Variants in SPTSSB observed in about 807,000 individuals in gnomAD.
The protein encoded by SPTSSB is androgen down regulated in mouse prostate.
SPTSSB carries 6 observed loss-of-function variants against 7.7 expected under a neutral mutation model. The ratio of observed to expected loss-of-function variants is 0.78; its 90% CI spans 0.43 to 1.54. The LOEUF is 1.54. Among genes scored for constraint, SPTSSB ranks in the 40% most tolerant of loss-of-function variants. The pLI is 0.01. For synonymous variants in SPTSSB, 28 were observed against 29.7 expected (o/e 0.94, Z 0.19); for missense variants, 91 against 93.0 (o/e 0.98, Z 0.09).
rs565493849 is a variant in SPTSSB, at chr3:161,365,843, T to C, written c.-126+5592A>G. ...TCCAAGAAAGCTGCGGCACCCATTA[T>C]ATTTCACTAGAAAGAGACCTCCTCA... On this transcript the variant is annotated intron_variant, in intron 1 of 2. Coordinates refer to ENST00000620149, the MANE Select transcript of SPTSSB (RefSeq NM_001040100.2). 3.9e-5 allele frequency among the ~76,000 whole-genome samples: 6 copies of C among 152,360 alleles called. No individual in the cohort carries two copies. The East Asian group carries it at 9.6e-4, about 24-fold the overall frequency.
At chr3:161,365,566 T>G (rs1000645281) in intron 1 of SPTSSB, among the ~76,000 whole-genome samples, 14 of 152,210 alleles carry the variant, frequency 9.2e-5, no homozygotes, top group African/African-American at 3.4e-4. Context: ...TGAAATAAGG[T>G]CCTCTTCTGT....
In SPTSSB at chr3:161,345,849, A is replaced by G. The variant is rs1714196494; in HGVS notation, c.*244T>C. Reference sequence around the variant, plus strand: ...ACTAAATTCATAGATTTGTGTTGACAGAATATGATTTGTGAGGTAAAGTCA... The same window carrying G: ...ACTAAATTCATAGATTTGTGTTGACGGAATATGATTTGTGAGGTAAAGTCA... On this transcript the variant is annotated 3_prime_UTR_variant, in exon 3 of 3. Coordinates refer to ENST00000620149, the MANE Select transcript of SPTSSB (RefSeq NM_001040100.2). The G allele has an allele frequency of 2.8e-6, 1 of 351,312 alleles. No individual in the cohort carries two copies. The highest frequency in any genetic ancestry group is 4.4e-5 in the Admixed American group (1 of 22,704). 21.8% of individuals were successfully genotyped at this position (351,312 alleles called of 1,614,324 possible). A position where few individuals can be genotyped will look rare whatever the true frequency, so the allele number is the denominator to read the frequency against.
rs12637186 is a variant in SPTSSB at position 161,362,921 on chromosome 3, C to T, written c.-125-3027G>A. Among the ~76,000 whole-genome samples the T allele has an allele frequency of 1.4e-3, 208 of 151,862 alleles. 6 individuals are homozygous for T. In the East Asian group the frequency reaches 0.036, roughly 27 times the overall value. ...ATACAATATGATAGTAATAATAATA[C>T]GTACAAATGTATGCTTCTTTGTATT... On this transcript the variant is annotated intron_variant, in intron 1 of 2. Coordinates refer to ENST00000620149, the MANE Select transcript of SPTSSB (RefSeq NM_001040100.2).
intron 1 of SPTSSB, among the ~76,000 whole-genome samples, chr3:161,369,308 TTC>T (rs1431083657): frequency 1.2e-3 from 73 of 59,644 alleles, no homozygotes; most frequent in Middle Eastern, 0.014. Context: ...CTTTCTTTCT[TTC>T]TTTCTCTTTC....
In SPTSSB at chr3:161,358,271, C is replaced by T. The variant is rs190890998; in HGVS notation, c.-33+1531G>A. On this transcript the variant is annotated intron_variant, in intron 2 of 2. Transcript: ENST00000620149. ...TTTTAAAGATAAGGAAACTGAGGCT[C>T]AATGTGTCATGAGGGCCATGTGGGG... is the stretch of plus-strand genomic sequence containing the variant. 6.8e-4 allele frequency among the ~76,000 whole-genome samples: 103 copies of T among 152,122 alleles called. 1 individual carries two copies. The highest frequency in any genetic ancestry group is 6.4e-3 in the Admixed American group (98 of 15,276).
intron 1 of SPTSSB, among the ~76,000 whole-genome samples, chr3:161,364,796 A>AT (rs1288260554): frequency 6.6e-6 from 1 of 152,112 alleles, no homozygotes; most frequent in African/African-American, 2.4e-5. Flanking sequence ...ATGAACTGAT[A>AT]TTTTGGCTAT....
At chr3:161,370,760 T>C (rs2108172499) in intron 1 of SPTSSB, among the ~76,000 whole-genome samples, 1 of 152,304 alleles carries the variant, frequency 6.6e-6, no homozygotes, top group Non-Finnish European at 1.5e-5. Flanking sequence ...GTCACTTTAG[T>C]TGAAACAAAT....
At chr3:161,360,440 T>A (rs1714957754) in intron 1 of SPTSSB, among the ~76,000 whole-genome samples, 2 of 152,220 alleles carry the variant, frequency 1.3e-5, no homozygotes, top group Non-Finnish European at 1.5e-5. Flanking sequence ...GAACATCAGG[T>A]ATGTCATACA....
intron 1 of SPTSSB, among the ~76,000 whole-genome samples, chr3:161,369,780 C>T (rs1277350394): frequency 6.6e-6 from 1 of 151,964 alleles, no homozygotes; most frequent in Non-Finnish European, 1.5e-5. Context: ...GGGGGCCCTG[C>T]GTTAGTGGCT....
intron 2 of SPTSSB, among the ~76,000 whole-genome samples, chr3:161,349,503 G>A (rs1401547883): frequency 2.6e-5 from 4 of 152,124 alleles, no homozygotes; most frequent in Non-Finnish European, 5.9e-5. Flanking sequence ...ACTTTATTCA[G>A]GCACACCATG....
At chr3:161,363,350 A>C (rs1715087439) in intron 1 of SPTSSB, among the ~76,000 whole-genome samples, 1 of 151,746 alleles carries the variant, frequency 6.6e-6, no homozygotes. Flanking sequence ...ACAAATACTG[A>C]CTTTTGTATA....
At chr3:161,370,558 T>C (rs780051086) in intron 1 of SPTSSB, among the ~76,000 whole-genome samples, 4 of 152,232 alleles carry the variant, frequency 2.6e-5, no homozygotes, top group Admixed American at 6.5e-5. Flanking sequence ...TAGCAAAAAT[T>C]ACCATGTCTT....
chr3:161,358,773 C>A (rs1380100127), intron 2 of SPTSSB, among the ~76,000 whole-genome samples: 1 of 152,180 alleles, frequency 6.6e-6, no homozygotes, highest in Non-Finnish European at 1.5e-5. Flanking sequence ...CTCAATGGCA[C>A]CTGTTCTTTG....
chr3:161,351,716 TATCTA>T (rs879626675), intron 2 of SPTSSB, among the ~76,000 whole-genome samples: 2 of 152,230 alleles, frequency 1.3e-5, no homozygotes, highest in Non-Finnish European at 2.9e-5. Flanking sequence ...TATTTATTCT[TATCTA>T]TTCTAGTTAA....
chr3:161,360,318 CG>C (rs1239680782), intron 1 of SPTSSB, among the ~76,000 whole-genome samples: 2 of 152,042 alleles, frequency 1.3e-5, no homozygotes, highest in South Asian at 2.1e-4. Context: ...ATGGGGGACA[CG>C]GGGAAGAGAT....
chr3:161,369,714 A>G (rs1715425670), intron 1 of SPTSSB, among the ~76,000 whole-genome samples: 1 of 152,020 alleles, frequency 6.6e-6, no homozygotes. Context: ...GATGATGAGT[A>G]ATGCTGGTGG....
At chr3:161,363,424 G>A (rs1347313767) in intron 1 of SPTSSB, among the ~76,000 whole-genome samples, 1 of 151,890 alleles carries the variant, frequency 6.6e-6, no homozygotes. Flanking sequence ...AGACTTTGCT[G>A]ACAACTTTAA....
chr3:161,369,314 C>CTCTTTCTT (rs1553804940), intron 1 of SPTSSB, among the ~76,000 whole-genome samples: 1,731 of 65,658 alleles, frequency 0.026, 39 homozygotes, highest in Non-Finnish European at 0.034. Context: ...TTCTTTCTTT[C>CTCTTTCTT]TCTTTCTTTC....
intron 2 of SPTSSB, among the ~76,000 whole-genome samples, chr3:161,350,105 A>G (rs1437043048): frequency 1.3e-5 from 2 of 152,168 alleles, no homozygotes; most frequent in African/African-American, 4.8e-5. Context: ...GAATGTGAAC[A>G]CAGTTGAGGG....
Sources: gnomAD v4.1 joint callset for allele counts (sites outside exome capture counted in the v4.1 genomes callset) on GRCh38, gnomAD v4.1.1 for gene constraint, MANE v1.5 for transcripts, NCBI Gene and HGNC (gene_info 2026-07-23, HGNC 2026-07-21) for gene names.